The following PPP2R2C variants were observed in gnomAD, a reference collection of about 807,000 sequenced individuals.
The protein encoded by PPP2R2C is protein phosphatase 2 regulatory subunit Bgamma.
PPP2R2C carries 10 observed loss-of-function variants against 45.3 expected under a neutral mutation model. The ratio of observed to expected loss-of-function variants is 0.22; its 90% CI spans 0.14 to 0.37. The LOEUF (loss-of-function observed/expected upper bound fraction) is 0.37, where lower values mean the gene tolerates loss of function less well. PPP2R2C is among the 10% of genes least tolerant of loss of function. The pLI is 1.00. For synonymous variants in PPP2R2C, 257 were observed against 245.4 expected (o/e 1.05, Z -0.44); for missense variants, 308 against 619.7 (o/e 0.50, Z 5.34).
intron 1 of PPP2R2C, among the ~76,000 whole-genome samples, chr4:6,466,253 T>C (rs778100921): frequency 1.3e-5 from 2 of 152,178 alleles, no homozygotes; most frequent in Non-Finnish European, 2.9e-5. Context: ...CGTACCCCTC[T>C]GCTCATTCCC....
At chr4:6,525,975 T>C (rs891067326) in intron 2 of PPP2R2C, among the ~76,000 whole-genome samples, 81 of 152,236 alleles carry the variant, frequency 5.3e-4, no homozygotes, top group African/African-American at 1.9e-3. Flanking sequence ...GTGCTGGGAT[T>C]ACAGCACGTG....
intron 2 of PPP2R2C, among the ~76,000 whole-genome samples, chr4:6,518,012 A>G (rs926814290): frequency 1.3e-5 from 2 of 152,362 alleles, no homozygotes; most frequent in African/African-American, 4.8e-5. Flanking sequence ...CCCACCTGAC[A>G]GTATCAGAAT....
chr4:6,491,830 G>C (rs1722708434), intron 2 of PPP2R2C, among the ~76,000 whole-genome samples: 1 of 152,142 alleles, frequency 6.6e-6, no homozygotes, highest in African/African-American at 2.4e-5. Context: ...ACGATTATAA[G>C]CTTCCTGAGG....
chr4:6,332,091 C>T lies in PPP2R2C; in HGVS notation c.960+1471G>A, dbSNP rs1458548109. On this transcript the variant is annotated intron_variant, in intron 7 of 8. Transcript: ENST00000382599. The surrounding 1 kb of genome is among the most constrained non-coding windows in gnomAD (Gnocchi z 4.9). Reference sequence around the variant, plus strand: ...TGAGAATTTCAGAAAGCTGTGTCCCCCTCCCCCTGAAAATGCTCATAGAAC... The same window carrying T: ...TGAGAATTTCAGAAAGCTGTGTCCCTCTCCCCCTGAAAATGCTCATAGAAC... Among the ~76,000 whole-genome samples, 2 of 152,178 alleles carry T rather than the reference C, an allele frequency of 1.3e-5. No individual in the cohort carries two copies. The highest frequency in any genetic ancestry group is 2.9e-5 in the Non-Finnish European group (2 of 68,030).
intron 2 of PPP2R2C, among the ~76,000 whole-genome samples, chr4:6,506,358 A>G (rs1386853271): frequency 1.3e-5 from 2 of 152,380 alleles, no homozygotes; most frequent in Admixed American, 6.5e-5. Context: ...TAAATCATGT[A>G]AGTTTACGTG....
intron 1 of PPP2R2C, among the ~76,000 whole-genome samples, chr4:6,463,101 A>T (rs1041978073): frequency 2.6e-5 from 4 of 152,350 alleles, no homozygotes; most frequent in African/African-American, 9.6e-5. Flanking sequence ...ATTGTAAAAA[A>T]ACATTCAGAA....
intron 2 of PPP2R2C, among the ~76,000 whole-genome samples, chr4:6,516,808 G>T (rs772432984): frequency 1.3e-5 from 2 of 152,152 alleles, no homozygotes; most frequent in Non-Finnish European, 2.9e-5. Context: ...AACAGTTGGC[G>T]CAATGCAGTC....
In PPP2R2C at chr4:6,449,023, G is replaced by A. The variant is rs147191599; in HGVS notation, c.70+23137C>T. ...AGCCTTGGGTGATGCTCGGCTCAGC[G>A]GCTGCATGGCTGGCAGGCACAGAGG... On this transcript the variant is annotated intron_variant, in intron 1 of 8. Transcript: ENST00000382599. Among the ~76,000 whole-genome samples, 357 of 152,290 alleles carry A rather than the reference G, an allele frequency of 2.3e-3. 1 individual carries two copies. Among genetic ancestry groups the A allele is most frequent in the African/African-American group, 8.5e-3 (352 of 41,540 alleles).
chr4:6,448,739 C>A (rs1355459157), intron 1 of PPP2R2C, among the ~76,000 whole-genome samples: 1 of 152,160 alleles, frequency 6.6e-6, no homozygotes, highest in Non-Finnish European at 1.5e-5. Context: ...TCGTCACCCG[C>A]AAGCCCCTTT....
chr4:6,386,502 A>G (rs1053402251), intron 1 of PPP2R2C, among the ~76,000 whole-genome samples: 5 of 152,230 alleles, frequency 3.3e-5, no homozygotes, highest in Non-Finnish European at 5.9e-5. Context: ...AGCCAGGGCT[A>G]GAAGAAGTGA....
intron 1 of PPP2R2C, among the ~76,000 whole-genome samples, chr4:6,411,815 G>C (rs1379075649): frequency 6.6e-6 from 1 of 152,118 alleles, no homozygotes; most frequent in Non-Finnish European, 1.5e-5. Context: ...GCCTCCCAAA[G>C]TGCTAGGATT....
chr4:6,434,643 G>A (rs544132693), intron 1 of PPP2R2C, among the ~76,000 whole-genome samples: 1 of 152,082 alleles, frequency 6.6e-6, no homozygotes, highest in South Asian at 2.1e-4. Flanking sequence ...ACAGGCATGA[G>A]CCACCACACC....
chr4:6,472,010 TG>T, intron 1 of PPP2R2C, 149 bp downstream of exon 1: 3 of 689,128 alleles, frequency 4.4e-6, no homozygotes, highest in Non-Finnish European at 6.2e-6. Context: ...TGGGATGGGA[TG>T]GGGTGGGGTG....
At position 6,331,249 on chromosome 4, in the gene PPP2R2C, G is replaced by C. The variant is rs771717404; in HGVS notation, c.961-1896C>G. On this transcript the variant is annotated intron_variant, in intron 7 of 8. Coordinates refer to ENST00000382599, the MANE Select transcript of PPP2R2C (RefSeq NM_020416.4). The surrounding 1 kb of genome is among the most constrained non-coding windows in gnomAD (Gnocchi z 5.9). ...CCCTCTAGTGGCAGGGTGAGGAAGAGCTCTGGAGAAAGACTGTCAATCTAA... is the reference window on the plus strand; with the variant it reads ...CCCTCTAGTGGCAGGGTGAGGAAGACCTCTGGAGAAAGACTGTCAATCTAA... Among the ~76,000 whole-genome samples, 6 of 152,202 alleles carry C rather than the reference G, an allele frequency of 3.9e-5. No individual in the cohort carries two copies. The highest frequency in any genetic ancestry group is 8.8e-5 in the Non-Finnish European group (6 of 68,042).
At position 6,489,907 on chromosome 4, in the gene PPP2R2C, C is replaced by T. The variant is rs187303981; in HGVS notation, c.49+45364G>A. ...GGATGGTGTAACTTTTTACCCCATA[C>T]ACTGGATTCAAGAAAAATAAATGGG... On this transcript the variant is annotated intron_variant, in intron 2 of 9. Coordinates refer to the PPP2R2C transcript ENST00000506140. Among the ~76,000 whole-genome samples, 6 of 152,306 alleles carry T rather than the reference C, an allele frequency of 3.9e-5. No homozygotes were observed. The East Asian group carries it at 1.2e-3, about 29-fold the overall frequency.
chr4:6,510,992 AAC>A lies in PPP2R2C; in HGVS notation c.49+24277_49+24278del, dbSNP rs1560592913. Among the ~76,000 whole-genome samples, 23 of 84,544 alleles carry A rather than the reference AAC, an allele frequency of 2.7e-4. 2 individuals are homozygous for A. The highest frequency in any genetic ancestry group is 3.9e-4 in the Non-Finnish European group (14 of 35,496). 55.5% of individuals were successfully genotyped at this position (84,544 alleles called of 152,430 possible). A position where few individuals can be genotyped will look rare whatever the true frequency, so the allele number is the denominator to read the frequency against. ...ACTCCGTCTCAAACAAAAAAAAACA[AAC>A]AAACAAAAAAAAAAACAGAAAATGT... is the stretch of plus-strand genomic sequence containing the variant. On this transcript the variant is annotated intron_variant, in intron 2 of 9. Coordinates refer to the PPP2R2C transcript ENST00000506140.
At chr4:6,482,209 A>G (rs1722378016) in intron 2 of PPP2R2C, among the ~76,000 whole-genome samples, 1 of 152,198 alleles carries the variant, frequency 6.6e-6, no homozygotes, top group African/African-American at 2.4e-5. Flanking sequence ...ATAGAAGTTA[A>G]TATGTGCCAG....
intron 6 of PPP2R2C, among the ~76,000 whole-genome samples, chr4:6,334,710 C>G (rs1732706904): frequency 6.6e-6 from 1 of 152,190 alleles, no homozygotes; most frequent in Admixed American, 6.5e-5. Flanking sequence ...CAGCCATTCA[C>G]CAGCCAATCT....
At chr4:6,538,831 G>C (rs1459620352) in intron 1 of PPP2R2C, among the ~76,000 whole-genome samples, 2 of 152,182 alleles carry the variant, frequency 1.3e-5, no homozygotes, top group East Asian at 3.9e-4. Flanking sequence ...CGGCCCTGCT[G>C]CTTGAGCTAC....
Sources: allele counts gnomAD v4.1 joint callset (sites outside exome capture counted in the v4.1 genomes callset), GRCh38; gene constraint gnomAD v4.1.1; non-coding constraint Gnocchi (gnomAD v3.1); transcripts MANE v1.5; gene names NCBI Gene and HGNC (gene_info 2026-07-23, HGNC 2026-07-21).